The following ADD1 variants were observed in gnomAD, a reference collection of about 807,000 sequenced individuals.
ADD1 encodes the protein adducin 1.
A neutral mutation model predicts 80.5 loss-of-function variants in ADD1; 24 were observed. The ratio of observed to expected loss-of-function variants is 0.30; its 90% CI spans 0.22 to 0.42. The LOEUF (loss-of-function observed/expected upper bound fraction) is 0.42. Ranked by LOEUF, ADD1 falls within the 10% of genes least tolerant of loss-of-function variation. The pLI, the probability that ADD1 is intolerant of heterozygous loss-of-function variation, is 1.00. For synonymous variants in ADD1, 373 were observed against 393.8 expected (o/e 0.95, Z 0.63); for missense variants, 948 against 1,019.0 (o/e 0.93, Z 0.95).
At chr4:2,887,196 G>A (rs1457290188) in intron 4 of ADD1, among the ~76,000 whole-genome samples, 2 of 152,122 alleles carry the variant, frequency 1.3e-5, no homozygotes, top group Non-Finnish European at 2.9e-5. Flanking sequence ...AGGAAGAAAG[G>A]TTTTGGTTTA....
intron 1 of ADD1, among the ~76,000 whole-genome samples, chr4:2,850,777 C>T (rs1319249171): frequency 6.6e-6 from 1 of 151,662 alleles, no homozygotes; most frequent in African/African-American, 2.4e-5. Context: ...ACCACGTTGC[C>T]CAGGCTGGTC....
chr4:2,893,848 A>G (rs1734713225), intron 4 of ADD1, among the ~76,000 whole-genome samples, 165 bp from the exon 5 acceptor site: 1 of 152,196 alleles, frequency 6.6e-6, no homozygotes, highest in Admixed American at 6.5e-5. Context: ...CAGTAGAATA[A>G]TGGAAAGCTT....
chr4:2,866,966 G>A (rs1014786590), intron 1 of ADD1, among the ~76,000 whole-genome samples: 2 of 152,102 alleles, frequency 1.3e-5, no homozygotes, highest in Non-Finnish European at 2.9e-5. Context: ...AAGCTACTTG[G>A]GAGGCTGAGA....
rs1712588045 is a variant in ADD1 at position 2,929,269 on chromosome 4, A to C, written c.*746A>C. Reference sequence around the variant, plus strand: ...TAGAATTTTCTTTGAGCAGGTTTACAATTTAGCTTACATTTTTCGACTGTG... The same window carrying C: ...TAGAATTTTCTTTGAGCAGGTTTACCATTTAGCTTACATTTTTCGACTGTG... On this transcript the variant is annotated 3_prime_UTR_variant, in exon 16 of 16. Transcript: ENST00000683351. The C allele has an allele frequency of 6.6e-6, 1 of 152,200 alleles. No individual in the cohort carries two copies. Among genetic ancestry groups the C allele is most frequent in the African/African-American group, 2.4e-5 (1 of 41,436 alleles). 9.4% of individuals were successfully genotyped at this position (152,200 alleles called of 1,614,324 possible).
intron 14 of ADD1, among the ~76,000 whole-genome samples, chr4:2,920,679 T>G (rs984389263): frequency 6.6e-6 from 1 of 151,256 alleles, no homozygotes; most frequent in Non-Finnish European, 1.5e-5. Context: ...TTTGCTTTTC[T>G]TTTGCTTGGT....
intron 3 of ADD1, among the ~76,000 whole-genome samples, chr4:2,884,131 C>T (rs1415788375): frequency 6.6e-6 from 1 of 152,160 alleles, no homozygotes. Context: ...ACGTTTAATG[C>T]TGTAAATTTC....
chr4:2,925,561 A>G (rs1553853790), intron 14 of ADD1, among the ~76,000 whole-genome samples: 12 of 152,234 alleles, frequency 7.9e-5, no homozygotes, highest in Non-Finnish European at 1.8e-4. Context: ...AGTTTAAATT[A>G]TTGGGATAAA....
At chr4:2,927,708 T>C (rs965595036) in intron 15 of ADD1, among the ~76,000 whole-genome samples, 5 of 152,220 alleles carry the variant, frequency 3.3e-5, no homozygotes, top group African/African-American at 4.8e-5. Context: ...CAACGTGCTG[T>C]GGGAGTTATG....
At chr4:2,876,371 T>C in intron 2 of ADD1, 1 of 300,546 alleles carries the variant, frequency 3.3e-6, no homozygotes, top group South Asian at 1.4e-4. Context: ...AGAGGGTCCT[T>C]ATATATTGGG....
At chr4:2,884,425 A>G in intron 3 of ADD1, 90 bp from the exon 4 acceptor site, 1 of 1,069,916 alleles carries the variant, frequency 9.3e-7, no homozygotes, top group Non-Finnish European at 1.3e-6. Context: ...TCATGGCTTC[A>G]AGTGATCCTC....
chr4:2,906,191 G>A (rs1020510623), intron 10 of ADD1, among the ~76,000 whole-genome samples: 1 of 152,154 alleles, frequency 6.6e-6, no homozygotes, highest in African/African-American at 2.4e-5. Context: ...CGCAGTTGGT[G>A]AGAAGCCTCC....
chr4:2,882,804 C>G (rs1473159688), intron 3 of ADD1, among the ~76,000 whole-genome samples: 1 of 152,182 alleles, frequency 6.6e-6, no homozygotes, highest in Non-Finnish European at 1.5e-5. Flanking sequence ...GCTCAAACCT[C>G]CATCCTGAAA....
At chr4:2,919,457 G>C (rs545618022) in intron 14 of ADD1, among the ~76,000 whole-genome samples, 3 of 152,108 alleles carry the variant, frequency 2.0e-5, no homozygotes, top group Non-Finnish European at 2.9e-5. Flanking sequence ...CTGTGAATCC[G>C]TCTGGTCCTG....
intron 14 of ADD1, among the ~76,000 whole-genome samples, chr4:2,922,221 GT>G (rs1740170776): frequency 6.6e-6 from 1 of 152,026 alleles, no homozygotes; most frequent in Non-Finnish European, 1.5e-5. Context: ...AGGCATTCTG[GT>G]TTTTGGAAAT....
rs1560266361 is a variant in ADD1 at position 2,926,652 on chromosome 4, C to CGCTAGA, written c.2047+542_2047+547dup. ...CTGCGTCACAAGCAGGAGACGGATG[C>CGCTAGA]GCTAGAGAGTACCTGTTACCCTAGT... On this transcript the variant is annotated intron_variant, in intron 15 of 15. Coordinates refer to ENST00000683351, the MANE Select transcript of ADD1 (RefSeq NM_001354761.2). This position sits in a 1 kb window ranked among gnomAD's most constrained non-coding sequence, Gnocchi z 5.0. 1.9e-6 allele frequency: 3 copies of CGCTAGA among 1,613,798 alleles called. No individual in the cohort carries two copies. In the South Asian group the frequency reaches 3.3e-5, roughly 18 times the overall value.
intron 14 of ADD1, among the ~76,000 whole-genome samples, chr4:2,921,415 A>G (rs1396421577): frequency 6.6e-6 from 1 of 152,208 alleles, no homozygotes; most frequent in African/African-American, 2.4e-5. Context: ...GGCGTGAGCC[A>G]CTGCACCCGG....
intron 13 of ADD1, among the ~76,000 whole-genome samples, chr4:2,912,816 G>A (rs1408510023): frequency 2.0e-5 from 3 of 152,026 alleles, no homozygotes; most frequent in African/African-American, 7.2e-5. Context: ...CATGAGCTGT[G>A]GTGCCTGGCT....
chr4:2,852,207 C>CCTTTCCTTTCCTTT (rs1727300083), intron 1 of ADD1, among the ~76,000 whole-genome samples: 1 of 66,100 alleles, frequency 1.5e-5, no homozygotes, highest in African/African-American at 6.0e-5. Flanking sequence ...TCCTTTCTTT[C>CCTTTCCTTTCCTTT]CTTTCCTTTC....
chr4:2,900,947 T>G (rs1295620423), intron 9 of ADD1: 1 of 152,272 alleles, frequency 6.6e-6, no homozygotes, highest in Non-Finnish European at 1.5e-5. Flanking sequence ...GACAAACGAT[T>G]CCCAAATGAG....
Sources: allele counts gnomAD v4.1 joint callset (sites outside exome capture counted in the v4.1 genomes callset), GRCh38; gene constraint gnomAD v4.1.1; non-coding constraint Gnocchi (gnomAD v3.1); transcripts MANE v1.5; gene names NCBI Gene and HGNC (gene_info 2026-07-23, HGNC 2026-07-21).